SH3GL2: variants seen among roughly 807,000 people sequenced by gnomAD.
The protein encoded by SH3GL2 is SH3 domain containing GRB2 like 2, endophilin A1.
SH3GL2 carries 24 observed loss-of-function variants against 46.0 expected under a neutral mutation model. The ratio of observed to expected loss-of-function variants is 0.52; its 90% CI spans 0.38 to 0.73. The LOEUF (loss-of-function observed/expected upper bound fraction) is 0.73. Among genes scored for constraint, SH3GL2 ranks in the 30% least tolerant of loss-of-function variants. The pLI, the probability that SH3GL2 is intolerant of heterozygous loss-of-function variation, is 0.00. For synonymous variants in SH3GL2, 196 were observed against 147.1 expected (o/e 1.33, Z -2.40); for missense variants, 413 against 424.2 (o/e 0.97, Z 0.23).
chr9:17,794,723 C>G (rs1275892130), intron 8 of SH3GL2, among the ~76,000 whole-genome samples: 1 of 152,202 alleles, frequency 6.6e-6, no homozygotes, highest in Non-Finnish European at 1.5e-5. Flanking sequence ...ATAGATCCCT[C>G]TTAAGATATG....
intron 1 of SH3GL2, among the ~76,000 whole-genome samples, chr9:17,607,077 A>G (rs576280306): frequency 3.3e-5 from 5 of 152,282 alleles, no homozygotes; most frequent in African/African-American, 1.2e-4. Context: ...CTACTTTATG[A>G]TAGTTCCTTA....
At chr9:17,730,513 G>C (rs1025194669) in intron 1 of SH3GL2, among the ~76,000 whole-genome samples, 1 of 152,120 alleles carries the variant, frequency 6.6e-6, no homozygotes, top group Non-Finnish European at 1.5e-5. Flanking sequence ...GGAGTGGTGA[G>C]AGAGGGCATC....
At chr9:17,727,915 C>T (rs1323098770) in intron 1 of SH3GL2, among the ~76,000 whole-genome samples, 1 of 152,032 alleles carries the variant, frequency 6.6e-6, no homozygotes, top group Non-Finnish European at 1.5e-5. Context: ...ATTCTAGGCT[C>T]TGCTTTGGAG....
chr9:17,783,793 G>T (rs183610672), intron 3 of SH3GL2, among the ~76,000 whole-genome samples: 89 of 152,158 alleles, frequency 5.8e-4, no homozygotes, highest in South Asian at 1.7e-3. Context: ...TAGATTCATG[G>T]GTTTGAAGGA....
At chr9:17,685,192 C>G (rs1285845082) in intron 1 of SH3GL2, among the ~76,000 whole-genome samples, 1 of 151,960 alleles carries the variant, frequency 6.6e-6, no homozygotes, top group East Asian at 1.9e-4. Context: ...AGATTTATTT[C>G]AAGGAATTGG....
chr9:17,579,317 C>G (rs767666599), intron 1 of SH3GL2, 30 bp downstream of exon 1: 7 of 1,505,426 alleles, frequency 4.6e-6, no homozygotes, highest in African/African-American at 4.3e-5. Context: ...CGTCCCGGGG[C>G]AGTCCGGGGC....
intron 1 of SH3GL2, among the ~76,000 whole-genome samples, chr9:17,619,709 A>C (rs1286994627): frequency 1.3e-5 from 2 of 152,144 alleles, no homozygotes; most frequent in East Asian, 3.8e-4. Flanking sequence ...AAGTGAGTGA[A>C]CCATAAATTA....
At chr9:17,676,410 A>G (rs910964100) in intron 1 of SH3GL2, among the ~76,000 whole-genome samples, 2 of 152,166 alleles carry the variant, frequency 1.3e-5, no homozygotes, top group Admixed American at 1.3e-4. Flanking sequence ...GTTCAAGACC[A>G]GCCTAGCCAA....
chr9:17,673,956 T>C (rs1363755135), intron 1 of SH3GL2, among the ~76,000 whole-genome samples: 2 of 152,196 alleles, frequency 1.3e-5, no homozygotes, highest in Admixed American at 6.5e-5. Flanking sequence ...TTGCCCACTT[T>C]ATTGAATTCA....
chr9:17,738,899 A>G (rs936908703), intron 1 of SH3GL2, among the ~76,000 whole-genome samples: 1 of 152,098 alleles, frequency 6.6e-6, no homozygotes, highest in East Asian at 1.9e-4. Context: ...CTTGAAGTCA[A>G]CAGATTGTAG....
At chr9:17,764,528 T>C (rs1158071428) in intron 3 of SH3GL2, among the ~76,000 whole-genome samples, 1 of 152,260 alleles carries the variant, frequency 6.6e-6, no homozygotes, top group Non-Finnish European at 1.5e-5. Context: ...TACTGAATGC[T>C]GGTTCTGAAT....
intron 1 of SH3GL2, among the ~76,000 whole-genome samples, chr9:17,697,510 C>A (rs768026778): frequency 3.9e-5 from 6 of 152,094 alleles, no homozygotes; most frequent in African/African-American, 1.4e-4. Context: ...GTGTGAGCCA[C>A]CGTGCCTGGC....
chr9:17,710,297 C>A (rs1039165470), intron 1 of SH3GL2, among the ~76,000 whole-genome samples: 25 of 152,088 alleles, frequency 1.6e-4, no homozygotes, highest in African/African-American at 6.0e-4. Context: ...GAGGCCTCCC[C>A]AGCCCTGCAG....
intron 1 of SH3GL2, among the ~76,000 whole-genome samples, chr9:17,691,399 A>G (rs1195291323): frequency 2.0e-5 from 3 of 152,186 alleles, no homozygotes; most frequent in Non-Finnish European, 4.4e-5. Context: ...TGGACAGATA[A>G]TAGAAAATTA....
chr9:17,720,880 C>G (rs1000835347), intron 1 of SH3GL2, among the ~76,000 whole-genome samples: 1 of 152,054 alleles, frequency 6.6e-6, no homozygotes, highest in Non-Finnish European at 1.5e-5. Flanking sequence ...TGAATGTGGA[C>G]AATTATCGTT....
At chr9:17,670,278 A>G (rs1475214217) in intron 1 of SH3GL2, among the ~76,000 whole-genome samples, 1 of 152,178 alleles carries the variant, frequency 6.6e-6, no homozygotes, top group East Asian at 1.9e-4. Context: ...CTATGTTTGC[A>G]GTCTGATCTT....
chr9:17,606,392 G>A lies in SH3GL2; in HGVS notation c.45+27105G>A, dbSNP rs551560650. ...AGGCGTAAGCCACCATGCCCGCTCA[G>A]ACCCCACAACTCCCAAGGCCAATTA... On this transcript the variant is annotated intron_variant, in intron 1 of 8. Transcript: ENST00000380607. Among the ~76,000 whole-genome samples the A allele has an allele frequency of 3.9e-5, 6 of 152,142 alleles. 1 individual carries two copies. The highest frequency in any genetic ancestry group is 1.2e-4 in the African/African-American group (5 of 41,536).
In SH3GL2 at chr9:17,626,239, G is replaced by A. The variant is rs556377176; in HGVS notation, c.45+46952G>A. On this transcript the variant is annotated intron_variant, in intron 1 of 8. Coordinates refer to ENST00000380607, the MANE Select transcript of SH3GL2 (RefSeq NM_003026.5). ...TTCTTTTATTGCCTCCATATGTCAA[G>A]GGGATATGAGCCCATGTGAGTGCTT... is the stretch of plus-strand genomic sequence containing the variant. 5.3e-5 allele frequency among the ~76,000 whole-genome samples: 8 copies of A among 152,338 alleles called. No individual in the cohort carries two copies. In the East Asian group the frequency reaches 1.6e-3, roughly 30 times the overall value.
chr9:17,641,200 C>T (rs10963182), intron 1 of SH3GL2, among the ~76,000 whole-genome samples: 3,907 of 152,198 alleles, frequency 0.026, 73 homozygotes, highest in Middle Eastern at 0.058. Flanking sequence ...GCTTCTATCT[C>T]CTAGTAGTGT....
Sources: allele counts gnomAD v4.1 joint callset (sites outside exome capture counted in the v4.1 genomes callset), GRCh38; gene constraint gnomAD v4.1.1; transcripts MANE v1.5; gene names NCBI Gene and HGNC (gene_info 2026-07-23, HGNC 2026-07-21).